The following KLB variants were observed in gnomAD, a reference collection of about 807,000 sequenced individuals.
KLB encodes the protein klotho beta.
A neutral mutation model predicts 88.4 loss-of-function variants in KLB; 44 were observed. The ratio of observed to expected loss-of-function variants is 0.50; its 90% CI spans 0.39 to 0.64. The LOEUF (loss-of-function observed/expected upper bound fraction) is 0.64, where lower values mean the gene tolerates loss of function less well. Ranked by LOEUF, KLB falls within the 30% of genes least tolerant of loss-of-function variation. The probability of loss-of-function intolerance (pLI) is 0.00; values close to 1 mark genes in which losing one functional copy is unlikely to be tolerated. For missense variants in KLB, 1,137 were observed against 1,304.8 expected (o/e 0.87, Z 1.98); for synonymous variants, 548 against 513.4 (o/e 1.07, Z -0.91).
At chr4:39,410,134 G>A (rs1329798022) in intron 1 of KLB, among the ~76,000 whole-genome samples, 5 of 152,054 alleles carry the variant, frequency 3.3e-5, no homozygotes, top group Non-Finnish European at 1.5e-5. Context: ...ATTCTAAATT[G>A]TTGAAAAGTC....
chr4:39,415,364 C>T (rs547425910), intron 1 of KLB, among the ~76,000 whole-genome samples: 5 of 152,150 alleles, frequency 3.3e-5, no homozygotes, highest in South Asian at 2.1e-4. Flanking sequence ...TGAAGTGGCT[C>T]ATGCCTGTAT....
chr4:39,433,838 C>T (rs957263042), intron 1 of KLB, among the ~76,000 whole-genome samples: 20 of 151,582 alleles, frequency 1.3e-4, no homozygotes, highest in Non-Finnish European at 2.9e-4. Context: ...CCAGCCTAGG[C>T]GACAGAGAAA....
Position 39,406,995 on chromosome 4 carries a change from T to C in KLB, c.46T>C (p.Phe16Leu). Reference sequence around the variant, plus strand: ...AGGATCTCCAGGGAATGAATGGATTTTCTTCAGCACTGATGAAATAACCAC... The same window carrying C: ...AGGATCTCCAGGGAATGAATGGATTCTCTTCAGCACTGATGAAATAACCAC... ...AAGSPGNEWI[F>L]FSTDEITTRY... Residue 16 changes from phenylalanine (F) to leucine (L), a missense_variant, in exon 1 of 5, where the codon TTC becomes CTC. By Grantham distance (22) the Phe-to-Leu change is conservative. Around this residue, in one of 4 missense-constraint regions of KLB, gnomAD observed 111 missense variants for 118.3 expected, o/e 0.94. Coordinates refer to ENST00000257408, the MANE Select transcript of KLB (RefSeq NM_175737.4). 6.2e-7 allele frequency: 1 copy of C among 1,613,392 alleles called. No individual in the cohort carries two copies. Among genetic ancestry groups the C allele is most frequent in the Non-Finnish European group, 8.5e-7 (1 of 1,179,394 alleles).
At chr4:39,431,241 G>T (rs1743353627) in intron 1 of KLB, among the ~76,000 whole-genome samples, 1 of 151,226 alleles carries the variant, frequency 6.6e-6, no homozygotes, top group Non-Finnish European at 1.5e-5. Flanking sequence ...CAACCAAGAG[G>T]AAAGCATTCC....
intron 1 of KLB, among the ~76,000 whole-genome samples, chr4:39,431,433 T>C (rs925418765): frequency 2.0e-5 from 3 of 151,996 alleles, no homozygotes; most frequent in Non-Finnish European, 4.4e-5. Context: ...GTATTTTTAG[T>C]AGAGATGGGG....
intron 1 of KLB, among the ~76,000 whole-genome samples, chr4:39,423,459 A>G (rs1255573649): frequency 6.6e-6 from 1 of 151,890 alleles, no homozygotes; most frequent in African/African-American, 2.4e-5. Flanking sequence ...TGTAATTTTA[A>G]AACAATATGT....
At chr4:39,439,787 C>A (rs375767338) in intron 3 of KLB, among the ~76,000 whole-genome samples, 4 of 152,266 alleles carry the variant, frequency 2.6e-5, no homozygotes, top group African/African-American at 9.6e-5. Context: ...CCTGTCTCAG[C>A]CTCTCAAGTA....
At chr4:39,411,751 G>T (rs1273435287) in intron 1 of KLB, among the ~76,000 whole-genome samples, 2 of 151,860 alleles carry the variant, frequency 1.3e-5, no homozygotes, top group African/African-American at 4.8e-5. Context: ...TGGCATGGTG[G>T]CTCATACCTG....
At position 39,446,762 on chromosome 4, in the gene KLB, A is replaced by G. The variant is rs1743756967; in HGVS notation, c.2036A>G (p.Gln679Arg). The G allele has an allele frequency of 6.2e-7, 1 of 1,607,250 alleles. No homozygotes were observed. Among genetic ancestry groups the G allele is most frequent in the South Asian group, 1.1e-5 (1 of 89,928 alleles). ...AFQAYAGLCF[Q>R]ELGDLVKLWI... ...CAGGCCTACGCTGGGCTGTGCTTCC[A>G]GGAGCTGGGGGACCTGGTGAAGCTC... Residue 679 changes from glutamine to arginine, a missense_variant, in exon 4 of 5, where the codon CAG becomes CGG. Gln to Arg is a conservative substitution (Grantham distance 43, BLOSUM62 1). Transcript: ENST00000257408. The surrounding 1 kb of genome is among the most constrained non-coding windows in gnomAD (Gnocchi z 6.4).
intron 1 of KLB, among the ~76,000 whole-genome samples, chr4:39,431,176 C>T (rs1743352212): frequency 6.6e-6 from 1 of 151,668 alleles, no homozygotes; most frequent in Non-Finnish European, 1.5e-5. Context: ...GCAATCTTCC[C>T]ACCTTGGCCT....
In KLB at chr4:39,447,244, C is replaced by T. The variant is rs201497399; in HGVS notation, c.2518C>T (p.Arg840Cys). ...GATGCACGAGCAGCTGGCCGGCAGC[C>T]GCTACGACTCGGACAGGGACATCCA... ...FVMHEQLAGS[R>C]YDSDRDIQFL... The change falls in exon 4 of 5, where the codon CGC (arginine) becomes TGC (cysteine). Residue 840 changes from arginine to cysteine, a missense_variant. Arg to Cys is a radical substitution (Grantham distance 180, BLOSUM62 -3). This residue lies in a region of KLB where 426 missense variants were observed against 404.6 expected (regional missense o/e 1.05). Coordinates refer to ENST00000257408, the MANE Select transcript of KLB (RefSeq NM_175737.4). The T allele has an allele frequency of 2.5e-6, 4 of 1,614,104 alleles. No homozygotes were observed. The highest frequency in any genetic ancestry group is 3.4e-6 in the Non-Finnish European group (4 of 1,180,028).
chr4:39,434,069 A>G (rs930909275), intron 1 of KLB, 141 bp from the exon 2 acceptor site: 1 of 738,994 alleles, frequency 1.4e-6, no homozygotes. Flanking sequence ...ACAGACTTTG[A>G]GGTCATCAGG....
Position 39,434,289 on chromosome 4 carries a change from C to G in KLB, c.905C>G (p.Ser302Cys). The G allele has an allele frequency of 1.2e-6, 2 of 1,614,156 alleles. No individual in the cohort carries two copies. The highest frequency in any genetic ancestry group is 1.7e-6 in the Non-Finnish European group (2 of 1,179,980). The change falls in exon 2 of 5, where the codon TCT (serine) becomes TGT (cysteine). Residue 302 changes from serine (S) to cysteine (C), a missense_variant. Ser to Cys is a moderately radical substitution (Grantham distance 112). Transcript: ENST00000257408. ...GGTTGGTTATCGATCACGTTGGGATCTCATTGGATCGAGCCAAACCGGTCG... is the reference window on the plus strand; with the variant it reads ...GGTTGGTTATCGATCACGTTGGGATGTCATTGGATCGAGCCAAACCGGTCG... ...QKGWLSITLG[S>C]HWIEPNRSEN...
rs775790052 is a variant in KLB at position 39,437,854 on chromosome 4, A to G, written c.1464A>G (p.Lys488=). 5.0e-6 allele frequency: 8 copies of G among 1,614,128 alleles called. No individual in the cohort carries two copies. The highest frequency in any genetic ancestry group is 5.1e-6 in the Non-Finnish European group (6 of 1,180,048). ...ATGTGGATTTTAACAGTAAACAGAA[A>G]GAGCGGAAACCTAAGTCTTCAGCAC... ...LFYVDFNSKQ[K]ERKPKSSAHY... Residue 488 remains lysine, a synonymous_variant, in exon 3 of 5, where the codon AAA becomes AAG. Coordinates refer to ENST00000257408, the MANE Select transcript of KLB (RefSeq NM_175737.4).
chr4:39,408,722 C>T (rs1742778414), intron 1 of KLB, among the ~76,000 whole-genome samples: 1 of 149,168 alleles, frequency 6.7e-6, no homozygotes, highest in South Asian at 2.2e-4. Flanking sequence ...ATTAAGAATG[C>T]TTTGAAAAGA....
intron 1 of KLB, among the ~76,000 whole-genome samples, chr4:39,420,371 C>T (rs1452894618): frequency 6.6e-6 from 1 of 152,038 alleles, no homozygotes; most frequent in Non-Finnish European, 1.5e-5. Context: ...TTATAGAGGA[C>T]AAAATATTCC....
intron 3 of KLB, among the ~76,000 whole-genome samples, chr4:39,443,755 T>G (rs1320300038): frequency 1.9e-5 from 2 of 106,472 alleles, no homozygotes; most frequent in East Asian, 4.9e-4. Context: ...AGTGAGACTT[T>G]GTCAAAAAAA....
intron 3 of KLB, among the ~76,000 whole-genome samples, chr4:39,442,435 CT>C (rs772744557): frequency 0.15 from 21,334 of 138,258 alleles, 1,358 homozygotes; most frequent in Middle Eastern, 0.23. Flanking sequence ...CCTCTCTCCC[CT>C]TTTTTTTTTT....
intron 2 of KLB, 86 bp from the exon 3 acceptor site, chr4:39,437,641 C>A: frequency 7.0e-7 from 1 of 1,435,822 alleles, no homozygotes; most frequent in Non-Finnish European, 9.4e-7. Context: ...TTACAATATG[C>A]TGTCCTCTGG....
Sources: allele counts gnomAD v4.1 joint callset (sites outside exome capture counted in the v4.1 genomes callset), GRCh38; gene constraint gnomAD v4.1.1; regional missense constraint gnomAD v4.1.1; non-coding constraint Gnocchi (gnomAD v3.1); transcripts MANE v1.5; gene names NCBI Gene and HGNC (gene_info 2026-07-23, HGNC 2026-07-21).